CEMIP: variants seen among roughly 807,000 people sequenced by gnomAD.
CEMIP encodes the protein cell migration-inducing and hyaluronan-binding protein.
CEMIP carries 105 observed loss-of-function variants against 156.9 expected under a neutral mutation model. The observed-to-expected ratio is 0.67, with a 90% confidence interval of 0.57 to 0.79. The LOEUF (loss-of-function observed/expected upper bound fraction) is 0.79. Ranked by LOEUF, CEMIP falls within the 30% of genes least tolerant of loss-of-function variation. The pLI, the probability that CEMIP is intolerant of heterozygous loss-of-function variation, is 0.00. For missense variants in CEMIP, 1,457 were observed against 1,769.4 expected, an observed-to-expected ratio of 0.82 and a Z score of 3.17; for synonymous variants, 676 against 668.4, an observed-to-expected ratio of 1.01 and a Z score of -0.17.
chr15:80,888,916 A>G (rs1898942381), intron 9 of CEMIP, 120 bp downstream of exon 9: 2 of 956,182 alleles, frequency 2.1e-6, no homozygotes, highest in Admixed American at 1.8e-5. Context: ...TTTTTGCAGA[A>G]TCAACTAAAA....
chr15:80,797,240 A>G (rs1280836532), intron 1 of CEMIP, among the ~76,000 whole-genome samples: 1 of 152,216 alleles, frequency 6.6e-6, no homozygotes, highest in Non-Finnish European at 1.5e-5. Flanking sequence ...TTATAAATAG[A>G]GTACAATGTG....
chr15:80,888,615 C>A, intron 8 of CEMIP, 86 bp from the exon 9 acceptor site: 2 of 1,006,340 alleles, frequency 2.0e-6, no homozygotes, highest in Non-Finnish European at 3.2e-6. Context: ...TGCCCATGTG[C>A]GTAGGGGGGT....
intron 28 of CEMIP, among the ~76,000 whole-genome samples, chr15:80,945,873 C>G (rs1275070749): frequency 6.6e-6 from 1 of 152,254 alleles, no homozygotes; most frequent in Non-Finnish European, 1.5e-5. Context: ...GCACTTTGGA[C>G]TGAATACACC....
chr15:80,896,224 C>A, intron 12 of CEMIP, 164 bp downstream of exon 12: 1 of 761,582 alleles, frequency 1.3e-6, no homozygotes, highest in Non-Finnish European at 2.3e-6. Context: ...ATTTCTTACT[C>A]ATGTATCTGC....
chr15:80,805,121 C>G (rs543644335), intron 1 of CEMIP, among the ~76,000 whole-genome samples: 2 of 152,160 alleles, frequency 1.3e-5, no homozygotes, highest in South Asian at 4.2e-4. Flanking sequence ...GCAGGAGAGG[C>G]GGATTTATGC....
At chr15:80,832,090 T>C (rs1034817831) in intron 1 of CEMIP, among the ~76,000 whole-genome samples, 4 of 152,240 alleles carry the variant, frequency 2.6e-5, no homozygotes, top group African/African-American at 9.6e-5. Context: ...GCTTCTAGGA[T>C]GCCTGGCATA....
intron 14 of CEMIP, among the ~76,000 whole-genome samples, chr15:80,915,879 C>T (rs1900257706): frequency 6.6e-6 from 1 of 152,146 alleles, no homozygotes; most frequent in Non-Finnish European, 1.5e-5. Context: ...CCACCATACT[C>T]TATGGCAATC....
intron 4 of CEMIP, 141 bp from the exon 5 acceptor site, chr15:80,879,575 A>G: frequency 1.0e-6 from 1 of 977,344 alleles, no homozygotes; most frequent in Non-Finnish European, 1.6e-6. Context: ...TAAGTACACC[A>G]AGCATAGGAA....
chr15:80,902,729 A>T (rs997254054), intron 12 of CEMIP, among the ~76,000 whole-genome samples: 1 of 152,114 alleles, frequency 6.6e-6, no homozygotes, highest in South Asian at 2.1e-4. Context: ...ACCCTGCCCA[A>T]CTTCTCCTAC....
At chr15:80,898,317 C>T (rs1899317329) in intron 12 of CEMIP, among the ~76,000 whole-genome samples, 1 of 152,096 alleles carries the variant, frequency 6.6e-6, no homozygotes, top group African/African-American at 2.4e-5. Flanking sequence ...ATGATTGTGG[C>T]TATTTCATGG....
At chr15:80,875,022 T>C (rs904306151) in intron 3 of CEMIP, among the ~76,000 whole-genome samples, 1 of 30,626 alleles carries the variant, frequency 3.3e-5, no homozygotes, top group African/African-American at 1.6e-4. Context: ...GCAAGTAGCA[T>C]TTTTTTTTTT....
chr15:80,797,696 TG>T (rs1896266705), intron 1 of CEMIP, among the ~76,000 whole-genome samples: 1 of 152,194 alleles, frequency 6.6e-6, no homozygotes. Context: ...GGCAATGGCC[TG>T]GATGGAGGGG....
Position 80,879,933 on chromosome 15 carries a change from CAAGAGGGCAAGCTTGCCTGTAAGATAGG to C in CEMIP, c.380+82_380+109del, listed in dbSNP as rs1238976679. ...AGACTTTCCAAGACAGAGAGAGAGG[CAAGAGGGCAAGCTTGCCTGTAAGATAGG>C]AATCATTCTGTCCTGCCAGATGGGG... On this transcript the variant is annotated intron_variant, in intron 5 of 29. Transcript: ENST00000394685. The C allele has an allele frequency of 5.9e-6, 9 of 1,516,784 alleles. No homozygotes were observed. In the African/African-American group the frequency reaches 1.1e-4, roughly 18 times the overall value. The allele number at this position is 1,516,784 out of a possible 1,614,324, so 94.0% of individuals were successfully genotyped here.
Position 80,949,703 on chromosome 15 carries a change from C to T in CEMIP, c.*779C>T, listed in dbSNP as rs551773625. The T allele has an allele frequency of 6.5e-6, 1 of 153,686 alleles. No homozygotes were observed. The highest frequency in any genetic ancestry group is 6.4e-5 in the Admixed American group (1 of 15,510). The allele number at this position is 153,686 out of a possible 1,614,324, so 9.5% of individuals were successfully genotyped here. ...ATGCCTAGCTTGAGGGGTCTGCAGTCCAGTAGGGCAGGCAGTCAGGTCCAT... is the reference window on the plus strand; with the variant it reads ...ATGCCTAGCTTGAGGGGTCTGCAGTTCAGTAGGGCAGGCAGTCAGGTCCAT... On this transcript the variant is annotated 3_prime_UTR_variant, in exon 30 of 30. Coordinates refer to ENST00000394685, the MANE Select transcript of CEMIP (RefSeq NM_001293298.2).
intron 1 of CEMIP, among the ~76,000 whole-genome samples, chr15:80,864,089 C>T (rs1898057677): frequency 6.6e-6 from 1 of 152,138 alleles, no homozygotes; most frequent in Non-Finnish European, 1.5e-5. Context: ...CATACCCTGG[C>T]CCTCTGAGGT....
In CEMIP at chr15:80,906,560, T is replaced by G; in HGVS notation, c.1412-103T>G. 8.5e-7 allele frequency: 1 copy of G among 1,173,806 alleles called. No individual in the cohort carries two copies. The highest frequency in any genetic ancestry group is 1.2e-6 in the Non-Finnish European group (1 of 811,148). The allele number at this position is 1,173,806 out of a possible 1,614,324, so 72.7% of individuals were successfully genotyped here. ...ATGAGACCACTGTGCACACCAGGCA[T>G]GGCGATGAGTAAGCAGCAGCCATGG... On this transcript the variant is annotated intron_variant, in intron 12 of 29. Transcript: ENST00000394685. The surrounding 1 kb of genome is among the most constrained non-coding windows in gnomAD (Gnocchi z 4.3).
At chr15:80,881,694 G>T (rs567275132) in intron 6 of CEMIP, among the ~76,000 whole-genome samples, 2 of 152,204 alleles carry the variant, frequency 1.3e-5, no homozygotes, top group African/African-American at 4.8e-5. Context: ...CGGTAAGGAC[G>T]TGGGTTTTCT....
At chr15:80,937,063 G>A (rs566247131) in intron 24 of CEMIP, among the ~76,000 whole-genome samples, 178 bp downstream of exon 24, 11 of 152,338 alleles carry the variant, frequency 7.2e-5, no homozygotes, top group South Asian at 2.1e-4. Flanking sequence ...CCAAGCCCCC[G>A]CTCCAGCATG....
At chr15:80,943,847 A>G (rs1380508519) in intron 28 of CEMIP, among the ~76,000 whole-genome samples, 1 of 152,098 alleles carries the variant, frequency 6.6e-6, no homozygotes, top group Non-Finnish European at 1.5e-5. Context: ...CCCATCTTCC[A>G]TATTGGCCGC....
Sources: gnomAD v4.1 joint callset for allele counts (sites outside exome capture counted in the v4.1 genomes callset) on GRCh38, gnomAD v4.1.1 for gene constraint, Gnocchi (gnomAD v3.1) non-coding constraint, MANE v1.5 for transcripts, NCBI Gene and HGNC (gene_info 2026-07-23, HGNC 2026-07-21) for gene names.